The following MDGA2 variants were observed in gnomAD, a reference collection of about 807,000 sequenced individuals.
MDGA2 encodes MAM domain containing glycosylphosphatidylinositol anchor 2.
MDGA2 carries 40 observed loss-of-function variants against 117.8 expected under a neutral mutation model. The observed-to-expected ratio is 0.34, with a 90% CI of 0.26 to 0.44. The LOEUF is 0.44. Ranked by LOEUF, MDGA2 falls within the 20% of genes least tolerant of loss-of-function variation. The probability of loss-of-function intolerance (pLI) is 1.00; values close to 1 mark genes in which losing one functional copy is unlikely to be tolerated. For synonymous variants in MDGA2, 452 were observed against 439.0 expected (o/e 1.03, Z -0.37); for missense variants, 1,123 against 1,250.6 (o/e 0.90, Z 1.54).
chr14:47,377,760 C>A (rs769138796), intron 1 of MDGA2, among the ~76,000 whole-genome samples: 1 of 152,128 alleles, frequency 6.6e-6, no homozygotes, highest in African/African-American at 2.4e-5. Context: ...GAGGTATGCC[C>A]GCCTCTGTAG....
Position 47,365,559 on chromosome 14 carries a change from C to T in MDGA2, c.281-64009G>A, listed in dbSNP as rs911647242. Among the ~76,000 whole-genome samples, 4 of 152,206 alleles carry T rather than the reference C, an allele frequency of 2.6e-5. No individual in the cohort carries two copies. In the South Asian group the frequency reaches 6.2e-4, roughly 24 times the overall value. On this transcript the variant is annotated intron_variant, in intron 1 of 16. Transcript: ENST00000399232. ...GCCTAGACAGCTCAGAAACATTGCA[C>T]GACATTTCTCAAACTGATAAGGAAA...
chr14:47,586,757 G>A (rs1896332681), intron 1 of MDGA2, among the ~76,000 whole-genome samples: 1 of 151,918 alleles, frequency 6.6e-6, no homozygotes, highest in Admixed American at 6.6e-5. Context: ...ACAGAAGCTT[G>A]CAGGAGGACA....
At chr14:47,067,387 C>A (rs1419372841) in intron 6 of MDGA2, among the ~76,000 whole-genome samples, 3 of 152,110 alleles carry the variant, frequency 2.0e-5, no homozygotes, top group Non-Finnish European at 4.4e-5. Context: ...AGATTCCATT[C>A]TTAATATTGT....
chr14:47,583,736 G>C (rs1486844357), intron 1 of MDGA2, among the ~76,000 whole-genome samples: 2 of 151,814 alleles, frequency 1.3e-5, no homozygotes, highest in East Asian at 3.9e-4. Context: ...CTGGTCCCCA[G>C]ATGATATGTG....
intron 5 of MDGA2, among the ~76,000 whole-genome samples, chr14:47,102,773 T>C (rs1394953774): frequency 6.6e-6 from 1 of 152,166 alleles, no homozygotes; most frequent in Admixed American, 6.5e-5. Context: ...GGGCCTTAAC[T>C]TTCCCATCTC....
chr14:47,152,669 A>C (rs918261349), intron 3 of MDGA2, among the ~76,000 whole-genome samples: 1 of 152,084 alleles, frequency 6.6e-6, no homozygotes, highest in South Asian at 2.1e-4. Context: ...ACAGTTCATG[A>C]GTCAAAAAAA....
intron 1 of MDGA2, among the ~76,000 whole-genome samples, chr14:47,649,383 T>C (rs1009014641): frequency 7.2e-5 from 11 of 152,226 alleles, no homozygotes; most frequent in African/African-American, 2.7e-4. Flanking sequence ...CTAAGTGCTT[T>C]ATGTATAAAT....
At chr14:47,381,300 C>G (rs561370171) in intron 1 of MDGA2, among the ~76,000 whole-genome samples, 2 of 152,232 alleles carry the variant, frequency 1.3e-5, no homozygotes, top group African/African-American at 4.8e-5. Context: ...AAAACTGGCA[C>G]AAGACAGGGA....
intron 14 of MDGA2, among the ~76,000 whole-genome samples, chr14:46,856,775 A>G (rs59176809): frequency 0.049 from 7,413 of 151,516 alleles, 606 homozygotes; most frequent in African/African-American, 0.17. Context: ...TCAGGAACTG[A>G]TTTTTTTCAG....
intron 1 of MDGA2, among the ~76,000 whole-genome samples, chr14:47,511,696 A>G (rs1894644362): frequency 6.6e-6 from 1 of 152,180 alleles, no homozygotes; most frequent in African/African-American, 2.4e-5. Flanking sequence ...AAATTTTTGT[A>G]TATTGCACAC....
intron 1 of MDGA2, among the ~76,000 whole-genome samples, chr14:47,536,335 C>T (rs1428428021): frequency 6.6e-6 from 1 of 152,214 alleles, no homozygotes; most frequent in Non-Finnish European, 1.5e-5. Context: ...TTATAGAGCA[C>T]ATCTGTGATC....
chr14:47,167,977 C>G (rs1883955432), intron 3 of MDGA2, among the ~76,000 whole-genome samples: 1 of 152,118 alleles, frequency 6.6e-6, no homozygotes, highest in Admixed American at 6.6e-5. Flanking sequence ...AACTCCATTG[C>G]ATTTGGCCAT....
chr14:47,480,425 T>A (rs1320504812), intron 1 of MDGA2, among the ~76,000 whole-genome samples: 1 of 152,016 alleles, frequency 6.6e-6, no homozygotes, highest in Non-Finnish European at 1.5e-5. Flanking sequence ...TTATCTACAA[T>A]AAAGCAATTT....
chr14:46,847,924 G>A (rs951401702), intron 15 of MDGA2, among the ~76,000 whole-genome samples: 4 of 151,864 alleles, frequency 2.6e-5, no homozygotes, highest in African/African-American at 9.7e-5. Flanking sequence ...TAAGTCTTGG[G>A]GTATATTTTC....
intron 9 of MDGA2, among the ~76,000 whole-genome samples, chr14:46,926,791 G>T (rs1425121873): frequency 1.3e-5 from 2 of 152,218 alleles, no homozygotes; most frequent in Middle Eastern, 3.4e-3. Flanking sequence ...AACAATAACT[G>T]CTGGGAAAGA....
chr14:47,465,785 G>A (rs913182396), intron 1 of MDGA2, among the ~76,000 whole-genome samples: 3 of 152,028 alleles, frequency 2.0e-5, no homozygotes, highest in Admixed American at 1.3e-4. Flanking sequence ...TTCTCAAAGA[G>A]CTAAAAGCAG....
chr14:47,529,765 C>T (rs1895055282), intron 1 of MDGA2, among the ~76,000 whole-genome samples: 1 of 152,154 alleles, frequency 6.6e-6, no homozygotes, highest in African/African-American at 2.4e-5. Context: ...GGGTAAGTTA[C>T]ATGTTTGGCT....
At chr14:47,647,167 A>G (rs1419258297) in intron 1 of MDGA2, among the ~76,000 whole-genome samples, 1 of 152,174 alleles carries the variant, frequency 6.6e-6, no homozygotes, top group Admixed American at 6.5e-5. Flanking sequence ...TAAGTCAGGA[A>G]GATTAAAAAT....
intron 8 of MDGA2, among the ~76,000 whole-genome samples, chr14:46,970,636 C>A (rs1886226798): frequency 6.6e-6 from 1 of 152,004 alleles, no homozygotes; most frequent in Non-Finnish European, 1.5e-5. Context: ...TCAGTCTAGG[C>A]AAAGAGTTAA....
Sources: allele counts gnomAD v4.1 joint callset (sites outside exome capture counted in the v4.1 genomes callset), GRCh38; gene constraint gnomAD v4.1.1; transcripts MANE v1.5; gene names NCBI Gene and HGNC (gene_info 2026-07-23, HGNC 2026-07-21).